Variants in KIAA0513 observed in about 807,000 individuals in gnomAD.
The protein encoded by KIAA0513 is uncharacterized protein KIAA0513.
KIAA0513 carries 39 observed loss-of-function variants against 56.5 expected under a neutral mutation model. The ratio of observed to expected loss-of-function variants is 0.69; its 90% CI spans 0.53 to 0.90. The LOEUF is 0.90. Ranked by LOEUF, KIAA0513 falls within the 40% of genes least tolerant of loss-of-function variation. The pLI is 0.00. For synonymous variants in KIAA0513, 268 were observed against 215.6 expected (o/e 1.24, Z -2.13); for missense variants, 591 against 535.2 (o/e 1.10, Z -1.03).
intron 1 of KIAA0513, among the ~76,000 whole-genome samples, chr16:85,030,940 A>G (rs2072956167): frequency 6.6e-6 from 1 of 152,184 alleles, no homozygotes; most frequent in Admixed American, 6.5e-5. Flanking sequence ...GCACACGAAC[A>G]GAAGTGTAGG....
chr16:85,043,401 ATTTTTTTTTTTTT>A (rs761248323), intron 1 of KIAA0513, among the ~76,000 whole-genome samples: 65 of 77,924 alleles, frequency 8.3e-4, no homozygotes, highest in African/African-American at 3.0e-3. Context: ...TGCTTCTTGG[ATTTTTTTTTTTTT>A]TTTTTTTTTT....
intron 1 of KIAA0513, among the ~76,000 whole-genome samples, chr16:85,043,401 ATTTTTTT>A (rs761248323): frequency 1.9e-4 from 15 of 77,920 alleles, no homozygotes; most frequent in South Asian, 1.1e-3. Context: ...TGCTTCTTGG[ATTTTTTT>A]TTTTTTTTTT....
At chr16:85,078,378 A>C (rs1269035380) in intron 6 of KIAA0513, 37 bp from the exon 7 acceptor site, 3 of 1,612,340 alleles carry the variant, frequency 1.9e-6, no homozygotes, top group Admixed American at 1.7e-5. Context: ...GTGTGGTGTG[A>C]GTCGCGTGTG....
At chr16:85,049,576 T>G (rs1166156456) in intron 1 of KIAA0513, among the ~76,000 whole-genome samples, 3 of 152,150 alleles carry the variant, frequency 2.0e-5, no homozygotes, top group Non-Finnish European at 4.4e-5. Context: ...TCTGGTTGTT[T>G]AAAAGCGTGT....
intron 1 of KIAA0513, among the ~76,000 whole-genome samples, chr16:85,059,917 A>G (rs2073380175): frequency 6.6e-6 from 1 of 152,206 alleles, no homozygotes; most frequent in Non-Finnish European, 1.5e-5. Flanking sequence ...GAGGAAAACT[A>G]GGGTACAGAT....
intron 1 of KIAA0513, among the ~76,000 whole-genome samples, chr16:85,060,813 C>A (rs1476389856): frequency 6.7e-6 from 1 of 149,862 alleles, no homozygotes; most frequent in Non-Finnish European, 1.5e-5. Context: ...CACTCTACTT[C>A]AGCCTGGGCA....
intron 1 of KIAA0513, among the ~76,000 whole-genome samples, chr16:85,049,527 C>G (rs2073218835): frequency 6.6e-6 from 1 of 152,148 alleles, no homozygotes; most frequent in Non-Finnish European, 1.5e-5. Flanking sequence ...AGTGCCATCC[C>G]CCTTGGCACT....
intron 2 of KIAA0513, among the ~76,000 whole-genome samples, chr16:85,070,249 C>G (rs189468164): frequency 7.9e-5 from 12 of 152,086 alleles, no homozygotes; most frequent in African/African-American, 2.9e-4. Context: ...ATTTGAGTCC[C>G]GCATGTGTAA....
rs1169021036 is a variant in KIAA0513 at position 85,088,777 on chromosome 16, C to T, written c.*452C>T. Reference sequence around the variant, plus strand: ...CGGTGGGTGGCCGTGGGCCACCTTCCCTGCAATGGGTGCACACGCGGCTCC... The same window carrying T: ...CGGTGGGTGGCCGTGGGCCACCTTCTCTGCAATGGGTGCACACGCGGCTCC... On this transcript the variant is annotated 3_prime_UTR_variant, in exon 13 of 13. Coordinates refer to ENST00000683363, the MANE Select transcript of KIAA0513 (RefSeq NM_001388359.1). 1.2e-5 allele frequency: 2 copies of T among 172,360 alleles called. No individual in the cohort carries two copies. The highest frequency in any genetic ancestry group is 1.7e-4 in the East Asian group (1 of 5,934). 10.7% of individuals were successfully genotyped at this position (172,360 alleles called of 1,614,324 possible). A position where few individuals can be genotyped will look rare whatever the true frequency, so the allele number is the denominator to read the frequency against.
At chr16:85,086,991 C>A in intron 11 of KIAA0513, 81 bp from the exon 12 acceptor site, 2 of 1,320,294 alleles carry the variant, frequency 1.5e-6, no homozygotes, top group Admixed American at 1.8e-5. Flanking sequence ...CCATGGTGGG[C>A]GTCCCAGAGA....
intron 1 of KIAA0513, among the ~76,000 whole-genome samples, chr16:85,040,720 C>T (rs1012094155): frequency 2.6e-5 from 4 of 152,116 alleles, no homozygotes; most frequent in Non-Finnish European, 4.4e-5. Flanking sequence ...TTCCTAAAAG[C>T]ACAGACTAAA....
At chr16:85,084,592 GC>G (rs1415755249) in intron 10 of KIAA0513, among the ~76,000 whole-genome samples, 1 of 152,100 alleles carries the variant, frequency 6.6e-6, no homozygotes, top group Non-Finnish European at 1.5e-5. Flanking sequence ...ACCATGCCTG[GC>G]TCATTTCGTA....
At chr16:85,040,527 C>T (rs188839996) in intron 1 of KIAA0513, among the ~76,000 whole-genome samples, 6 of 152,048 alleles carry the variant, frequency 3.9e-5, no homozygotes, top group Non-Finnish European at 7.4e-5. Context: ...GAGAATCTGC[C>T]TCAAAAAAAA....
intron 1 of KIAA0513, among the ~76,000 whole-genome samples, chr16:85,031,320 A>G (rs2072961599): frequency 6.6e-6 from 1 of 152,132 alleles, no homozygotes; most frequent in East Asian, 1.9e-4. Context: ...GTCTTTACCA[A>G]AAAATAAACA....
intron 1 of KIAA0513, among the ~76,000 whole-genome samples, chr16:85,054,373 TA>T (rs1352096116): frequency 6.6e-6 from 1 of 152,070 alleles, no homozygotes; most frequent in Non-Finnish European, 1.5e-5. Context: ...TTTCTGAAGT[TA>T]TCTCAGTGCC....
chr16:85,028,820 C>T (rs766226507), intron 1 of KIAA0513, among the ~76,000 whole-genome samples: 10 of 152,186 alleles, frequency 6.6e-5, no homozygotes, highest in Non-Finnish European at 1.3e-4. Flanking sequence ...TGAGGCGCCC[C>T]TGACGTGGAA....
chr16:85,078,462 C>G lies in KIAA0513; in HGVS notation c.823+7C>G, dbSNP rs2291966. On this transcript the variant is annotated splice_region_variant and intron_variant, in intron 7 of 12. Coordinates refer to ENST00000683363, the MANE Select transcript of KIAA0513 (RefSeq NM_001388359.1). ...GAGAAGCGGCCCAGGGCTGGTGAGT[C>G]TGCCCAGGCAGCAGCAGGAGACGCC... 55,429 of 1,612,810 alleles carry G rather than the reference C, an allele frequency of 0.034. 1,623 individuals are homozygous for G. The highest frequency in any genetic ancestry group is 0.15 in the African/African-American group (11,243 of 74,974).
At chr16:85,066,791 C>T (rs2073488361) in intron 1 of KIAA0513, 109 bp from the exon 2 acceptor site, 1 of 395,618 alleles carries the variant, frequency 2.5e-6, no homozygotes, top group Non-Finnish European at 4.5e-6. Context: ...AGCAAAGAGG[C>T]ACCCCAAATT....
intron 1 of KIAA0513, among the ~76,000 whole-genome samples, chr16:85,036,309 C>T (rs1018403968): frequency 6.6e-5 from 10 of 151,918 alleles, no homozygotes; most frequent in African/African-American, 2.4e-4. Flanking sequence ...ATCAACGAAA[C>T]CCCTTTCCCA....
Sources: allele counts gnomAD v4.1 joint callset (sites outside exome capture counted in the v4.1 genomes callset), GRCh38; gene constraint gnomAD v4.1.1; transcripts MANE v1.5; gene names NCBI Gene and HGNC (gene_info 2026-07-23, HGNC 2026-07-21).